Variants in INPP4B observed in about 807,000 individuals in gnomAD.
The protein encoded by INPP4B is inositol polyphosphate-4-phosphatase type II B.
A neutral mutation model predicts 122.5 loss-of-function variants in INPP4B; 55 were observed. That is an observed-to-expected ratio of 0.45 (90% CI 0.36 to 0.56). The LOEUF (loss-of-function observed/expected upper bound fraction) is 0.56, where lower values mean the gene tolerates loss of function less well. Among genes scored for constraint, INPP4B ranks in the 20% least tolerant of loss-of-function variants. The probability of loss-of-function intolerance (pLI) is 0.00; values close to 1 mark genes in which losing one functional copy is unlikely to be tolerated. For synonymous variants in INPP4B, 403 were observed against 388.7 expected, an observed-to-expected ratio of 1.04 and a Z score of -0.43; for missense variants, 1,000 against 1,097.7, an observed-to-expected ratio of 0.91 and a Z score of 1.26.
At position 142,255,611 on chromosome 4, in the gene INPP4B, C is replaced by T. The variant is rs1017950487; in HGVS notation, c.688+4881G>A. 9.2e-5 allele frequency among the ~76,000 whole-genome samples: 14 copies of T among 152,102 alleles called. No homozygotes were observed. In the East Asian group the frequency reaches 2.3e-3, roughly 25 times the overall value. On this transcript the variant is annotated intron_variant, in intron 11 of 25. Transcript: ENST00000262992. ...AAAGACCAAAAGCGACAAAGAAGGC[C>T]ATTACATAATGGTAAATGGATCAAT...
At chr4:142,664,937 A>C (rs992481035) in intron 2 of INPP4B, among the ~76,000 whole-genome samples, 2 of 152,218 alleles carry the variant, frequency 1.3e-5, no homozygotes, top group Non-Finnish European at 2.9e-5. Flanking sequence ...CCTACTATTC[A>C]CCTAGGCTCT....
intron 25 of INPP4B, among the ~76,000 whole-genome samples, chr4:142,071,519 C>A (rs576079968): frequency 6.6e-6 from 1 of 152,072 alleles, no homozygotes; most frequent in South Asian, 2.1e-4. Flanking sequence ...TTCTGCACAG[C>A]AAAAGAAACT....
Position 142,604,415 on chromosome 4 carries a change from T to C in INPP4B, c.-191+121424A>G, listed in dbSNP as rs544518427. Among the ~76,000 whole-genome samples, 6 of 152,144 alleles carry C rather than the reference T, an allele frequency of 3.9e-5. No individual in the cohort carries two copies. The East Asian group carries it at 1.2e-3, about 29-fold the overall frequency. On this transcript the variant is annotated intron_variant, in intron 2 of 25. Coordinates refer to ENST00000262992, the MANE Select transcript of INPP4B (RefSeq NM_001101669.3). ...GGAAAAGAAATAAAAAGCATCCAAA[T>C]TGGAAAAGAGGAAGTTAAATTTGTC... is the stretch of plus-strand genomic sequence containing the variant.
chr4:142,842,960 A>G (rs946820778), intron 1 of INPP4B, among the ~76,000 whole-genome samples: 4 of 143,416 alleles, frequency 2.8e-5, no homozygotes, highest in Non-Finnish European at 4.5e-5. Context: ...ACATATATAA[A>G]TTATATATAA....
intron 18 of INPP4B, among the ~76,000 whole-genome samples, chr4:142,144,697 G>A (rs1355690756): frequency 1.3e-5 from 2 of 152,032 alleles, no homozygotes; most frequent in African/African-American, 2.4e-5. Flanking sequence ...CTATATGAAT[G>A]TATGACAGAG....
intron 2 of INPP4B, among the ~76,000 whole-genome samples, chr4:142,717,996 T>C (rs1014772826): frequency 6.6e-6 from 1 of 151,368 alleles, no homozygotes; most frequent in African/African-American, 2.4e-5. Context: ...AGAAAAAAGT[T>C]AAATTCTAGG....
intron 11 of INPP4B, among the ~76,000 whole-genome samples, chr4:142,238,219 G>C (rs1376212819): frequency 6.6e-6 from 1 of 151,050 alleles, no homozygotes; most frequent in African/African-American, 2.4e-5. Context: ...ATTTTATTTT[G>C]ACATCTTATT....
At chr4:142,761,994 A>G (rs1299192128) in intron 1 of INPP4B, among the ~76,000 whole-genome samples, 2 of 152,184 alleles carry the variant, frequency 1.3e-5, no homozygotes, top group South Asian at 4.1e-4. Flanking sequence ...AAACCCTGAT[A>G]CAATTGGATG....
chr4:142,117,861 T>C (rs1237471222), intron 21 of INPP4B, among the ~76,000 whole-genome samples: 1 of 152,190 alleles, frequency 6.6e-6, no homozygotes, highest in Non-Finnish European at 1.5e-5. Context: ...TTGTCCCTGT[T>C]TGCAGATGAC....
chr4:142,570,811 C>T (rs1367784625), intron 2 of INPP4B, among the ~76,000 whole-genome samples: 2 of 151,862 alleles, frequency 1.3e-5, no homozygotes, highest in African/African-American at 2.4e-5. Flanking sequence ...CTTCCCTTCT[C>T]CTTTCATGTC....
chr4:142,750,800 C>T (rs1272999950), intron 1 of INPP4B, among the ~76,000 whole-genome samples: 1 of 151,932 alleles, frequency 6.6e-6, no homozygotes, highest in Non-Finnish European at 1.5e-5. Context: ...GTCTTGGATG[C>T]CAAGTTATAG....
chr4:142,295,752 C>CTTT (rs142874073), intron 9 of INPP4B, among the ~76,000 whole-genome samples: 8 of 143,854 alleles, frequency 5.6e-5, no homozygotes, highest in South Asian at 2.2e-4. Context: ...TTTTTCTTTT[C>CTTT]TTTTTTTTTT....
At chr4:142,557,126 C>T (rs771869922) in intron 2 of INPP4B, among the ~76,000 whole-genome samples, 25 of 152,164 alleles carry the variant, frequency 1.6e-4, no homozygotes, top group African/African-American at 5.3e-4. Context: ...CAGGAGTGAG[C>T]GTCTTTTAAG....
chr4:142,550,211 C>T (rs1393323746), intron 2 of INPP4B, among the ~76,000 whole-genome samples: 3 of 152,134 alleles, frequency 2.0e-5, no homozygotes, highest in Non-Finnish European at 4.4e-5. Flanking sequence ...GTGGAAAATG[C>T]TCACTATGTG....
chr4:142,126,412 G>A (rs1798640130), intron 18 of INPP4B, among the ~76,000 whole-genome samples: 1 of 152,016 alleles, frequency 6.6e-6, no homozygotes, highest in Admixed American at 6.6e-5. Flanking sequence ...ATTTTATGTT[G>A]TGGTATAATA....
chr4:142,285,263 C>T (rs756449328), intron 9 of INPP4B, among the ~76,000 whole-genome samples: 3 of 151,882 alleles, frequency 2.0e-5, no homozygotes, highest in African/African-American at 4.8e-5. Context: ...AAAGGGCACC[C>T]CTGTGGCTAC....
chr4:142,374,923 C>T (rs1475742180), intron 7 of INPP4B, among the ~76,000 whole-genome samples: 4 of 151,856 alleles, frequency 2.6e-5, no homozygotes, highest in African/African-American at 9.7e-5. Context: ...GCAGTGACTT[C>T]TAGTAAAGGT....
rs141470706 is a variant in INPP4B, at chr4:142,165,899, T to C, written c.1360-5338A>G. Among the ~76,000 whole-genome samples, 9 of 151,930 alleles carry C rather than the reference T, an allele frequency of 5.9e-5. No homozygotes were observed. The East Asian group carries it at 1.7e-3, about 29-fold the overall frequency. Reference sequence around the variant, plus strand: ...CCACTCTTTTTATCCTCGGCCTTTTTGATTTTAGCTGTTCTGGTAGGTGGC... The same window carrying C: ...CCACTCTTTTTATCCTCGGCCTTTTCGATTTTAGCTGTTCTGGTAGGTGGC... On this transcript the variant is annotated intron_variant, in intron 16 of 25. Transcript: ENST00000262992.
intron 2 of INPP4B, among the ~76,000 whole-genome samples, chr4:142,581,121 G>A (rs537256888): frequency 6.6e-6 from 1 of 151,824 alleles, no homozygotes; most frequent in Admixed American, 6.6e-5. Flanking sequence ...ATAAAGAAAA[G>A]GACCAAAAAT....
Sources: allele counts gnomAD v4.1 joint callset (sites outside exome capture counted in the v4.1 genomes callset), GRCh38; gene constraint gnomAD v4.1.1; transcripts MANE v1.5; gene names NCBI Gene and HGNC (gene_info 2026-07-23, HGNC 2026-07-21).